Variants in PSD3 observed in about 807,000 individuals in gnomAD.
PSD3 encodes the protein PH and SEC7 domain-containing protein 3.
In PSD3, 49 loss-of-function variants were observed where a neutral mutation model predicts 105.5. That is an observed-to-expected ratio of 0.46 (90% CI 0.37 to 0.59). The LOEUF is 0.59. PSD3 is among the 20% of genes least tolerant of loss of function. The probability of loss-of-function intolerance (pLI) is 0.00; values close to 1 mark genes in which losing one functional copy is unlikely to be tolerated. For missense variants in PSD3, 1,561 were observed against 1,263.8 expected, an observed-to-expected ratio of 1.24 and a Z score of -3.57; for synonymous variants, 557 against 457.8, an observed-to-expected ratio of 1.22 and a Z score of -2.77.
chr8:18,979,719 C>A, intron 1 of PSD3: 1 of 186,554 alleles, frequency 5.4e-6, no homozygotes. Context: ...TCACTAACAC[C>A]ACAAGAGTCT....
chr8:18,792,255 T>C (rs566768558), intron 8 of PSD3, among the ~76,000 whole-genome samples: 1 of 152,232 alleles, frequency 6.6e-6, no homozygotes, highest in South Asian at 2.1e-4. Context: ...GTTATAAAGA[T>C]ACATGCATGC....
chr8:18,693,584 G>A (rs937038802), intron 9 of PSD3, among the ~76,000 whole-genome samples: 4 of 152,144 alleles, frequency 2.6e-5, no homozygotes, highest in African/African-American at 7.2e-5. Flanking sequence ...TAAGCCATGT[G>A]ACCTAAGCCC....
At chr8:18,970,065 C>A (rs1824534039) in intron 1 of PSD3, among the ~76,000 whole-genome samples, 1 of 151,892 alleles carries the variant, frequency 6.6e-6, no homozygotes, top group African/African-American at 2.4e-5. Flanking sequence ...CGGGCTCACA[C>A]CTGTAATCCC....
intron 1 of PSD3, among the ~76,000 whole-genome samples, chr8:19,038,139 C>A (rs1586655383): frequency 6.6e-6 from 1 of 151,976 alleles, no homozygotes; most frequent in East Asian, 1.9e-4. Flanking sequence ...TAATTATCAG[C>A]CAACATGTGG....
intron 1 of PSD3, among the ~76,000 whole-genome samples, chr8:18,983,274 T>G (rs1419726043): frequency 1.3e-5 from 2 of 152,228 alleles, no homozygotes; most frequent in Non-Finnish European, 2.9e-5. Flanking sequence ...AATGTTGTAG[T>G]GATTTGATCT....
intron 9 of PSD3, among the ~76,000 whole-genome samples, chr8:18,720,600 G>A (rs933160605): frequency 6.6e-6 from 1 of 152,088 alleles, no homozygotes; most frequent in African/African-American, 2.4e-5. Context: ...AAAGTGAAAT[G>A]AAAATTGATT....
At chr8:18,853,565 T>G (rs1253391804) in intron 4 of PSD3, among the ~76,000 whole-genome samples, 1 of 152,168 alleles carries the variant, frequency 6.6e-6, no homozygotes, top group Non-Finnish European at 1.5e-5. Flanking sequence ...CCCTATGCCC[T>G]TTTCATTAGA....
At chr8:18,891,395 A>G (rs923693013) in intron 2 of PSD3, among the ~76,000 whole-genome samples, 2 of 151,980 alleles carry the variant, frequency 1.3e-5, no homozygotes, top group Admixed American at 6.6e-5. Flanking sequence ...CAAGATTTTC[A>G]TGTGTAATTT....
Position 18,790,813 on chromosome 8 carries a change from A to C in PSD3, c.2082+8482T>G, listed in dbSNP as rs142702639. 1.8e-3 allele frequency among the ~76,000 whole-genome samples: 272 copies of C among 151,686 alleles called. 1 individual carries two copies. Among genetic ancestry groups the C allele is most frequent in the African/African-American group, 5.8e-3 (239 of 41,358 alleles). ...CGGCCTTGGGGCCACTGTGTCTGGG[A>C]AGCTCCAAGTCAGGTAAAAACATAG... On this transcript the variant is annotated intron_variant, in intron 8 of 15. Coordinates refer to ENST00000327040, the MANE Select transcript of PSD3 (RefSeq NM_015310.4).
intron 9 of PSD3, among the ~76,000 whole-genome samples, chr8:18,726,976 C>A (rs1803371795): frequency 6.6e-6 from 1 of 152,068 alleles, no homozygotes; most frequent in South Asian, 2.1e-4. Context: ...GGAGGATCAC[C>A]TGAAGTCAGG....
At chr8:18,637,236 T>A (rs1196610165) in intron 10 of PSD3, among the ~76,000 whole-genome samples, 1 of 152,264 alleles carries the variant, frequency 6.6e-6, no homozygotes, top group East Asian at 1.9e-4. Flanking sequence ...GCTCTTTTTT[T>A]CTCACTCTCA....
intron 4 of PSD3, among the ~76,000 whole-genome samples, chr8:18,865,804 T>A (rs1406923522): frequency 6.6e-6 from 1 of 152,156 alleles, no homozygotes; most frequent in Non-Finnish European, 1.5e-5. Flanking sequence ...TGAAACTTTA[T>A]CTCAACACGG....
At chr8:18,882,516 T>C (rs186568891) in intron 2 of PSD3, among the ~76,000 whole-genome samples, 4 of 152,246 alleles carry the variant, frequency 2.6e-5, no homozygotes, top group East Asian at 3.9e-4. Flanking sequence ...TCCATCTATA[T>C]ATACTGTCTG....
intron 9 of PSD3, among the ~76,000 whole-genome samples, chr8:18,693,533 C>A (rs1585637666): frequency 6.6e-6 from 1 of 152,186 alleles, no homozygotes; most frequent in South Asian, 2.1e-4. Context: ...TAGCGGAAAT[C>A]TTCAGGTATT....
Position 18,527,864 on chromosome 8 carries a change from G to A in PSD3, c.*7879C>T, listed in dbSNP as rs147552753. ...ATGCCGACAGTTTCGCCATTGAAAA[G>A]GAGCAGGCTGCTATTTTGTCACTAA... On this transcript the variant is annotated 3_prime_UTR_variant, in exon 16 of 16. Transcript: ENST00000327040. 1 of 152,362 alleles carries A rather than the reference G, an allele frequency of 6.6e-6. No individual in the cohort carries two copies. Among genetic ancestry groups the A allele is most frequent in the Non-Finnish European group, 1.5e-5 (1 of 68,024 alleles). The allele number at this position is 152,362 out of a possible 1,614,324, so 9.4% of individuals were successfully genotyped here.
At chr8:18,869,947 A>T (rs926759480) in intron 3 of PSD3, among the ~76,000 whole-genome samples, 1 of 152,186 alleles carries the variant, frequency 6.6e-6, no homozygotes, top group African/African-American at 2.4e-5. Flanking sequence ...ATAGGAGACA[A>T]TTGAAAATAT....
chr8:18,926,122 T>C (rs1310993804), intron 2 of PSD3, among the ~76,000 whole-genome samples: 1 of 151,580 alleles, frequency 6.6e-6, no homozygotes, highest in Admixed American at 6.6e-5. Flanking sequence ...GTTTTTTTTT[T>C]TTACTGTTAA....
intron 1 of PSD3, among the ~76,000 whole-genome samples, chr8:18,971,111 T>A (rs1824624205): frequency 6.6e-6 from 1 of 151,948 alleles, no homozygotes; most frequent in Admixed American, 6.6e-5. Context: ...AACCCCAGAA[T>A]CCTAGGCCAC....
chr8:18,589,615 C>T (rs1431620919), intron 12 of PSD3, among the ~76,000 whole-genome samples: 1 of 152,134 alleles, frequency 6.6e-6, no homozygotes, highest in East Asian at 1.9e-4. Flanking sequence ...TACAAAGCTG[C>T]TCTGGTAATA....
Sources: allele counts gnomAD v4.1 joint callset (sites outside exome capture counted in the v4.1 genomes callset), GRCh38; gene constraint gnomAD v4.1.1; transcripts MANE v1.5; gene names NCBI Gene and HGNC (gene_info 2026-07-23, HGNC 2026-07-21).